The following ENTREP2 variants were observed in gnomAD, a reference collection of about 807,000 sequenced individuals.
ENTREP2 encodes protein ENTREP2.
chr15:29,249,755 T>A, the ENTREP2 span, among the ~76,000 whole-genome samples: 5 of 152,010 alleles, frequency 3.3e-5, no homozygotes, highest in Non-Finnish European at 7.4e-5. Flanking sequence ...GACTGGGTAA[T>A]TTATAAAGAG....
chr15:29,317,637 T>G, the ENTREP2 span, among the ~76,000 whole-genome samples: 1 of 152,126 alleles, frequency 6.6e-6, no homozygotes, highest in Non-Finnish European at 1.5e-5. Flanking sequence ...ATAGAAAAAT[T>G]CAATATAATA....
the ENTREP2 span, among the ~76,000 whole-genome samples, chr15:29,159,504 C>T: frequency 6.6e-6 from 1 of 152,208 alleles, no homozygotes; most frequent in Non-Finnish European, 1.5e-5. Flanking sequence ...CCACCCACAT[C>T]CTGCTGATTG....
chr15:29,350,601 C>CA, the ENTREP2 span, among the ~76,000 whole-genome samples: 1 of 152,226 alleles, frequency 6.6e-6, no homozygotes, highest in South Asian at 2.1e-4. Flanking sequence ...CAAAAACAAA[C>CA]AAAAACTCCT....
At chr15:29,334,359 C>T in the ENTREP2 span, among the ~76,000 whole-genome samples, 1 of 152,170 alleles carries the variant, frequency 6.6e-6, no homozygotes, top group Non-Finnish European at 1.5e-5. Context: ...CAGGAAGGTA[C>T]ACAACCCAGG....
At chr15:29,318,783 A>G in the ENTREP2 span, among the ~76,000 whole-genome samples, 1 of 152,206 alleles carries the variant, frequency 6.6e-6, no homozygotes, top group Non-Finnish European at 1.5e-5. Flanking sequence ...AACAGAACCC[A>G]CAAGCTCTCC....
chr15:29,654,584 G>A, the ENTREP2 span, among the ~76,000 whole-genome samples: 2 of 152,032 alleles, frequency 1.3e-5, no homozygotes, highest in East Asian at 1.9e-4. Context: ...CGCTCTCAAT[G>A]GAATGCAAAT....
At chr15:29,520,818 T>C in the ENTREP2 span, among the ~76,000 whole-genome samples, 1 of 152,146 alleles carries the variant, frequency 6.6e-6, no homozygotes, top group East Asian at 1.9e-4. Flanking sequence ...CCATTTACAA[T>C]AGCATCAAAG....
the ENTREP2 span, among the ~76,000 whole-genome samples, chr15:29,488,417 G>T: frequency 6.6e-6 from 1 of 152,106 alleles, no homozygotes; most frequent in Non-Finnish European, 1.5e-5. Flanking sequence ...TAACAGGTAT[G>T]AAATGCCATC....
chr15:29,384,383 T>TCTCTGCC, the ENTREP2 span, among the ~76,000 whole-genome samples: 1 of 152,068 alleles, frequency 6.6e-6, no homozygotes, highest in Non-Finnish European at 1.5e-5. Context: ...CCGGTTCATC[T>TCTCTGCC]CTCTGCCCTC....
chr15:29,254,344 G>A, the ENTREP2 span, among the ~76,000 whole-genome samples: 23 of 152,166 alleles, frequency 1.5e-4, no homozygotes, highest in South Asian at 4.6e-3. Context: ...GATTCTTGAC[G>A]ATACAAATGT....
the ENTREP2 span, among the ~76,000 whole-genome samples, chr15:29,217,135 G>A: frequency 6.6e-6 from 1 of 152,188 alleles, no homozygotes; most frequent in Non-Finnish European, 1.5e-5. Flanking sequence ...TGATAGGCCC[G>A]GGGCTTGGGG....
chr15:29,664,022 C>A, the ENTREP2 span, among the ~76,000 whole-genome samples: 1 of 144,148 alleles, frequency 6.9e-6, no homozygotes, highest in Non-Finnish European at 1.5e-5. Flanking sequence ...GAGTGAAACT[C>A]CATCTCAAAA....
At chr15:29,162,915 C>A in the ENTREP2 span, among the ~76,000 whole-genome samples, 1 of 152,002 alleles carries the variant, frequency 6.6e-6, no homozygotes, top group Non-Finnish European at 1.5e-5. Flanking sequence ...CTGCACACCC[C>A]CCACCACCTC....
the ENTREP2 span, among the ~76,000 whole-genome samples, chr15:29,421,477 T>A: frequency 6.6e-6 from 1 of 152,126 alleles, no homozygotes; most frequent in Non-Finnish European, 1.5e-5. Flanking sequence ...ACGTAGTAAG[T>A]CCCAGGGAAA....
chr15:29,533,327 T>C, the ENTREP2 span, among the ~76,000 whole-genome samples: 2 of 152,118 alleles, frequency 1.3e-5, no homozygotes, highest in Non-Finnish European at 2.9e-5. Context: ...AAATTACGCA[T>C]TTTGGTTGGA....
chr15:29,440,887 C>T, the ENTREP2 span, among the ~76,000 whole-genome samples: 4 of 152,292 alleles, frequency 2.6e-5, no homozygotes, highest in East Asian at 5.8e-4. Flanking sequence ...CACACTGTCT[C>T]CCCATCCCAA....
At chr15:29,395,942 CT>C in the ENTREP2 span, among the ~76,000 whole-genome samples, 1 of 152,104 alleles carries the variant, frequency 6.6e-6, no homozygotes, top group Non-Finnish European at 1.5e-5. Context: ...CTAGTCAAGC[CT>C]TTTGCCTATC....
At chr15:29,636,019 A>C in the ENTREP2 span, among the ~76,000 whole-genome samples, 1 of 152,170 alleles carries the variant, frequency 6.6e-6, no homozygotes, top group Non-Finnish European at 1.5e-5. Flanking sequence ...CCCCCTGTGC[A>C]GGAGCCAGAG....
chr15:29,399,794 A>G, the ENTREP2 span, among the ~76,000 whole-genome samples: 221 of 152,222 alleles, frequency 1.5e-3, 7 homozygotes, highest in Non-Finnish European at 3.7e-4. Context: ...AATAAAGAGA[A>G]AAGAAAATGC....
Sources: allele counts gnomAD v4.1 joint callset (sites outside exome capture counted in the v4.1 genomes callset), GRCh38; gene constraint gnomAD v4.1.1; transcripts MANE v1.5; gene names NCBI Gene and HGNC (gene_info 2026-07-23, HGNC 2026-07-21).